The following LCOR variants were observed in gnomAD, a reference collection of about 807,000 sequenced individuals.
LCOR encodes the protein ligand dependent nuclear receptor corepressor, also known as ligand-dependent corepressor.
Under a neutral mutation model 64.4 loss-of-function variants are expected in LCOR, and 14 were observed. The observed-to-expected ratio is 0.22, with a 90% CI of 0.14 to 0.34. LCOR has a LOEUF of 0.34. LCOR is among the 10% of genes least tolerant of loss of function. LCOR has a pLI of 1.00. For missense variants in LCOR, 1,686 were observed against 1,765.3 expected, an observed-to-expected ratio of 0.96 and a Z score of 0.80; for synonymous variants, 643 against 642.5, an observed-to-expected ratio of 1.00 and a Z score of -0.01.
At chr10:96,900,168 C>G (rs2134444593) in intron 2 of LCOR, among the ~76,000 whole-genome samples, 1 of 152,236 alleles carries the variant, frequency 6.6e-6, no homozygotes, top group East Asian at 1.9e-4. Flanking sequence ...TATCAATGGA[C>G]TCATAGTATG....
intron 2 of LCOR, among the ~76,000 whole-genome samples, chr10:96,902,824 C>T (rs935252771): frequency 1.3e-5 from 2 of 152,134 alleles, no homozygotes; most frequent in Non-Finnish European, 2.9e-5. Flanking sequence ...AAATATAATA[C>T]AGTCATGTGT....
chr10:96,926,048 T>G (rs1847162038), intron 4 of LCOR, among the ~76,000 whole-genome samples: 1 of 152,214 alleles, frequency 6.6e-6, no homozygotes, highest in Non-Finnish European at 1.5e-5. Context: ...GAGCACCTCT[T>G]AAATTCTGTT....
chr10:96,943,054 G>C (rs965977113), intron 4 of LCOR, among the ~76,000 whole-genome samples: 8 of 152,078 alleles, frequency 5.3e-5, no homozygotes, highest in African/African-American at 1.9e-4. Flanking sequence ...GATGATTATA[G>C]TGCAGCATAT....
chr10:96,878,608 A>G (rs573171963), intron 2 of LCOR, among the ~76,000 whole-genome samples: 1 of 152,154 alleles, frequency 6.6e-6, no homozygotes, highest in Non-Finnish European at 1.5e-5. Context: ...AGTTTTGACT[A>G]CCTTCCACGT....
At chr10:96,845,826 C>T (rs971133224) in intron 2 of LCOR, among the ~76,000 whole-genome samples, 5 of 151,854 alleles carry the variant, frequency 3.3e-5, no homozygotes, top group Admixed American at 6.6e-5. Context: ...TCAAGAAGTC[C>T]ATAATCTTTG....
At chr10:96,967,290 C>T (rs967843672) in intron 7 of LCOR, among the ~76,000 whole-genome samples, 14 of 152,128 alleles carry the variant, frequency 9.2e-5, no homozygotes, top group Non-Finnish European at 1.8e-4. Flanking sequence ...TGCCACCATG[C>T]CCAGCTAATT....
Position 96,949,344 on chromosome 10 carries a change from T to C in LCOR, c.238+49T>C, listed in dbSNP as rs1203093646. ...CTCTATCTTATCAGAATACTTTACTTTGGGGAGAAAAAAAAAAGCATTGGC... is the reference window on the plus strand; with the variant it reads ...CTCTATCTTATCAGAATACTTTACTCTGGGGAGAAAAAAAAAAGCATTGGC... On this transcript the variant is annotated intron_variant, in intron 6 of 7. Coordinates refer to ENST00000421806, the MANE Select transcript of LCOR (RefSeq NM_001346516.2). 3 of 1,542,674 alleles carry C rather than the reference T, an allele frequency of 1.9e-6. No homozygotes were observed. In the African/African-American group the frequency reaches 4.1e-5, roughly 21 times the overall value.
chr10:96,879,776 C>T (rs751034892), intron 2 of LCOR, among the ~76,000 whole-genome samples: 3 of 152,206 alleles, frequency 2.0e-5, no homozygotes, highest in African/African-American at 4.8e-5. Context: ...TTTCTCATGC[C>T]TCAGCCTCCT....
chr10:96,887,883 G>T (rs1018346149), intron 2 of LCOR, among the ~76,000 whole-genome samples: 4 of 151,270 alleles, frequency 2.6e-5, no homozygotes, highest in African/African-American at 9.7e-5. Context: ...GTTTCACCAT[G>T]TTGGCCAGGC....
At chr10:96,833,783 G>A (rs992961481) in intron 2 of LCOR, among the ~76,000 whole-genome samples, 2 of 152,198 alleles carry the variant, frequency 1.3e-5, no homozygotes, top group Non-Finnish European at 2.9e-5. Flanking sequence ...ACAGGGTTTC[G>A]TTGGAAGGAA....
At chr10:96,916,568 C>T (rs1188508011) in intron 4 of LCOR, among the ~76,000 whole-genome samples, 1 of 146,854 alleles carries the variant, frequency 6.8e-6, no homozygotes, top group Non-Finnish European at 1.5e-5. Context: ...GAAAGAAACA[C>T]ATATGAGATA....
Position 96,920,474 on chromosome 10 carries a change from A to G in LCOR, c.-184+12727A>G, listed in dbSNP as rs28808284. On this transcript the variant is annotated intron_variant, in intron 4 of 7. Transcript: ENST00000421806. ...TATATGTATATTCATATATGTGTATATATATGTATATTCATATATATGTGT... is the reference window on the plus strand; with the variant it reads ...TATATGTATATTCATATATGTGTATGTATATGTATATTCATATATATGTGT... Among the ~76,000 whole-genome samples, 736 of 145,172 alleles carry G rather than the reference A, an allele frequency of 5.1e-3. 40 individuals carry two copies. The highest frequency in any genetic ancestry group is 0.018 in the African/African-American group (701 of 39,224).
chr10:96,905,128 A>G (rs940424512), intron 2 of LCOR, among the ~76,000 whole-genome samples: 9 of 152,010 alleles, frequency 5.9e-5, no homozygotes, highest in African/African-American at 2.2e-4. Flanking sequence ...TGTTAGTATT[A>G]TTGATCTTCT....
At chr10:96,955,190 C>G (rs1847748169) in intron 7 of LCOR, 1 of 1,614,144 alleles carries the variant, frequency 6.2e-7, no homozygotes, top group Non-Finnish European at 8.5e-7. Context: ...TAATATTATC[C>G]AGGGAAGCCT....
chr10:96,918,644 G>GT (rs1349443887), intron 4 of LCOR, among the ~76,000 whole-genome samples: 2 of 152,216 alleles, frequency 1.3e-5, no homozygotes, highest in African/African-American at 4.8e-5. Context: ...AGGCAAGATT[G>GT]TAAGAGAACC....
At chr10:96,894,665 A>G (rs979303080) in intron 2 of LCOR, among the ~76,000 whole-genome samples, 6 of 152,178 alleles carry the variant, frequency 3.9e-5, no homozygotes, top group Non-Finnish European at 8.8e-5. Flanking sequence ...ATATCCTTCA[A>G]TTGGGGCCAG....
At chr10:96,841,885 C>T (rs183381599) in intron 2 of LCOR, among the ~76,000 whole-genome samples, 200 of 151,468 alleles carry the variant, frequency 1.3e-3, no homozygotes, top group Non-Finnish European at 2.6e-3. Flanking sequence ...CAGGCATGAG[C>T]CACTCCACCC....
In LCOR at chr10:96,983,066, G is replaced by A. The variant is rs200768722; in HGVS notation, c.2606G>A (p.Gly869Asp). Reference sequence around the variant, plus strand: ...CACCCTGGTGGGACAACACCTAAGGGCCTTCTACCTGACAGTTTCCACACG... The same window carrying A: ...CACCCTGGTGGGACAACACCTAAGGACCTTCTACCTGACAGTTTCCACACG... ...EGHPGGTTPK[G>D]LLPDSFHTET... The change falls in exon 8 of 8, where the codon GGC (glycine) becomes GAC (aspartate). Residue 869 changes from glycine to aspartate, a missense_variant. Coordinates refer to ENST00000421806, the MANE Select transcript of LCOR (RefSeq NM_001346516.2). This position sits in a 1 kb window ranked among gnomAD's most constrained non-coding sequence, Gnocchi z 4.5. 25 of 1,613,822 alleles carry A rather than the reference G, an allele frequency of 1.5e-5. No individual in the cohort carries two copies. In the African/African-American group the frequency reaches 2.9e-4, roughly 19 times the overall value.
chr10:96,955,760 T>C, intron 7 of LCOR: 2 of 1,614,160 alleles, frequency 1.2e-6, no homozygotes, highest in Non-Finnish European at 1.7e-6. Context: ...TTCCCCACAG[T>C]ACACTGGAGT....
Sources: allele counts gnomAD v4.1 joint callset (sites outside exome capture counted in the v4.1 genomes callset), GRCh38; gene constraint gnomAD v4.1.1; non-coding constraint Gnocchi (gnomAD v3.1); transcripts MANE v1.5; gene names NCBI Gene and HGNC (gene_info 2026-07-23, HGNC 2026-07-21).